Variants in SCN11A observed in about 807,000 individuals in gnomAD.
SCN11A encodes the protein sodium voltage-gated channel alpha subunit 11, also known as sodium channel protein type 11 subunit alpha.
Under a neutral mutation model 162.2 loss-of-function variants are expected in SCN11A, and 122 were observed. That is an observed-to-expected ratio of 0.75 (90% CI 0.65 to 0.87). SCN11A has a LOEUF of 0.87. Ranked by LOEUF, SCN11A falls within the 40% of genes least tolerant of loss-of-function variation. The pLI is 0.00. For missense variants in SCN11A, 2,015 were observed against 2,181.6 expected (o/e 0.92, Z 1.52); for synonymous variants, 758 against 751.5 (o/e 1.01, Z -0.14).
intron 13 of SCN11A, 102 bp downstream of exon 13, chr3:38,908,895 G>C (rs1286339155): frequency 1.1e-6 from 1 of 947,856 alleles, no homozygotes; most frequent in Non-Finnish European, 1.7e-6. Context: ...AAAGCACTGA[G>C]ACCAGGCCAA....
intron 2 of SCN11A, among the ~76,000 whole-genome samples, chr3:39,012,444 CTCTTTCTCTCTTTCTT>C (rs1225684022): frequency 2.0e-5 from 3 of 149,674 alleles, no homozygotes; most frequent in East Asian, 3.9e-4. Context: ...CTTTCTCTCT[CTCTTTCTCTCTTTCTT>C]TCTTTCTCTC....
chr3:38,963,877 A>T (rs2066763812), intron 2 of SCN11A, among the ~76,000 whole-genome samples: 3 of 152,200 alleles, frequency 2.0e-5, no homozygotes, highest in South Asian at 2.1e-4. Context: ...TTACAGAAAA[A>T]TTTTAAAAAA....
intron 1 of SCN11A, among the ~76,000 whole-genome samples, chr3:39,035,100 A>G (rs997752113): frequency 3.3e-5 from 5 of 152,184 alleles, no homozygotes; most frequent in African/African-American, 1.2e-4. Context: ...AAAAAATCCT[A>G]AAATTTATAC....
intron 20 of SCN11A, 66 bp downstream of exon 20, chr3:38,886,059 T>A: frequency 7.8e-6 from 8 of 1,032,034 alleles, no homozygotes; most frequent in South Asian, 1.5e-5. Flanking sequence ...TTTTCCATAA[T>A]AACTATCCTG....
chr3:38,872,049 C>T, intron 24 of SCN11A, 144 bp downstream of exon 24: 1 of 678,714 alleles, frequency 1.5e-6, no homozygotes, highest in African/African-American at 1.8e-5. Context: ...TTTCTCTACC[C>T]CTCAAATTCT....
chr3:39,013,213 A>T (rs1397327134), intron 2 of SCN11A, among the ~76,000 whole-genome samples: 1 of 152,220 alleles, frequency 6.6e-6, no homozygotes, highest in Non-Finnish European at 1.5e-5. Flanking sequence ...AGAGATAATG[A>T]TCTTTAGCAA....
Position 38,886,237 on chromosome 3 carries a change from G to A in SCN11A, c.2837C>T (p.Ala946Val). Reference sequence around the variant, plus strand: ...CTTGTTCTCCTGATGGAGCTCATAGGCCTAACACAGAGAGCCCAGAATAGA... The same window carrying A: ...CTTGTTCTCCTGATGGAGCTCATAGACCTAACACAGAGAGCCCAGAATAGA... ...RITQPEPEQQ[A>V]YELHQENKKP... Residue 946 changes from alanine to valine, a missense_variant and splice_region_variant, in exon 20 of 30, where the codon GCC (alanine) becomes GTC (valine). Physicochemically the swap from Ala to Val is moderately conservative, Grantham distance 64. Transcript: ENST00000302328. 1 of 1,601,286 alleles carries A rather than the reference G, an allele frequency of 6.2e-7. No individual in the cohort carries two copies. The highest frequency in any genetic ancestry group is 8.5e-7 in the Non-Finnish European group (1 of 1,169,900).
intron 7 of SCN11A, among the ~76,000 whole-genome samples, chr3:38,939,018 C>G (rs1052795321): frequency 1.3e-5 from 2 of 151,716 alleles, no homozygotes; most frequent in African/African-American, 4.8e-5. Context: ...ACTAAAAATA[C>G]AAAAATTAGC....
intron 1 of SCN11A, among the ~76,000 whole-genome samples, chr3:39,038,594 G>A (rs1048208211): frequency 2.6e-5 from 4 of 152,236 alleles, no homozygotes; most frequent in Admixed American, 2.6e-4. Flanking sequence ...CACTCACACT[G>A]TCACTCTCCA....
chr3:39,005,012 G>A (rs1438672410), intron 2 of SCN11A, among the ~76,000 whole-genome samples: 2 of 152,168 alleles, frequency 1.3e-5, no homozygotes, highest in Non-Finnish European at 1.5e-5. Flanking sequence ...CAACTCTAAG[G>A]ATTTCACATG....
At chr3:38,924,736 TG>T (rs1214110162) in intron 9 of SCN11A, among the ~76,000 whole-genome samples, 1 of 152,098 alleles carries the variant, frequency 6.6e-6, no homozygotes, top group Non-Finnish European at 1.5e-5. Context: ...CTGAAACTCC[TG>T]GCCTCAAGTT....
At chr3:38,943,804 G>A (rs1022526890) in intron 7 of SCN11A, among the ~76,000 whole-genome samples, 9 of 152,180 alleles carry the variant, frequency 5.9e-5, no homozygotes, top group African/African-American at 2.2e-4. Context: ...GGTTACCAGA[G>A]ATGGGGAAAG....
intron 11 of SCN11A, among the ~76,000 whole-genome samples, chr3:38,917,985 A>C (rs1385881308): frequency 1.3e-5 from 2 of 152,016 alleles, no homozygotes; most frequent in Admixed American, 6.6e-5. Context: ...ACCACTCTCT[A>C]TTGTCATATA....
intron 2 of SCN11A, among the ~76,000 whole-genome samples, chr3:39,030,394 G>A (rs910604526): frequency 2.0e-5 from 3 of 151,986 alleles, no homozygotes; most frequent in Non-Finnish European, 4.4e-5. Flanking sequence ...CCAGTGGCTC[G>A]CCCACTTCCA....
intron 2 of SCN11A, among the ~76,000 whole-genome samples, chr3:39,024,724 C>A (rs1187294720): frequency 6.6e-6 from 1 of 152,192 alleles, no homozygotes; most frequent in South Asian, 2.1e-4. Context: ...AAGGGTCCTG[C>A]CCCATACCCA....
In SCN11A at chr3:38,872,298, A is replaced by G. The variant is rs1419260043; in HGVS notation, c.3394-4T>C. 2.0e-6 allele frequency: 3 copies of G among 1,517,552 alleles called. No individual in the cohort carries two copies. The highest frequency in any genetic ancestry group is 2.7e-5 in the African/African-American group (2 of 72,918). The allele number at this position is 1,517,552 out of a possible 1,614,324, so 94.0% of individuals were successfully genotyped here. A position where few individuals can be genotyped will look rare whatever the true frequency, so the allele number is the denominator to read the frequency against. ...TAATGAGGGTGGTCACAGAGACCTG[A>G]TGGGAAGAGAGGCCACAGATAATGT... On this transcript the variant is annotated splice_polypyrimidine_tract_variant and splice_region_variant and intron_variant, in intron 23 of 29. Coordinates refer to ENST00000302328, the MANE Select transcript of SCN11A (RefSeq NM_001349253.2).
rs372163134 is a variant in SCN11A, at chr3:38,915,382, T to C, written c.959+4553A>G. ...AGCTTTGCTCTTGCTTCTCTAACTC[T>C]TTCCATTGTGATGTGACATTGTTTA... On this transcript the variant is annotated intron_variant, in intron 11 of 29. Coordinates refer to ENST00000302328, the MANE Select transcript of SCN11A (RefSeq NM_001349253.2). Among the ~76,000 whole-genome samples the C allele has an allele frequency of 4.6e-5, 7 of 152,262 alleles. No homozygotes were observed. The South Asian group carries it at 1.5e-3, about 32-fold the overall frequency.
At chr3:38,925,172 A>G (rs1455733720) in intron 9 of SCN11A, among the ~76,000 whole-genome samples, 1 of 145,358 alleles carries the variant, frequency 6.9e-6, no homozygotes, top group African/African-American at 2.6e-5. Flanking sequence ...CTGTCTCCCC[A>G]CCCCCACCAT....
At chr3:38,867,186 T>C in intron 27 of SCN11A, 135 bp downstream of exon 27, 1 of 762,202 alleles carries the variant, frequency 1.3e-6, no homozygotes, top group Admixed American at 2.8e-5. Context: ...CAGGCAGACA[T>C]GGGAGGCTCC....
Sources: gnomAD v4.1 joint callset for allele counts (sites outside exome capture counted in the v4.1 genomes callset) on GRCh38, gnomAD v4.1.1 for gene constraint, MANE v1.5 for transcripts, NCBI Gene and HGNC (gene_info 2026-07-23, HGNC 2026-07-21) for gene names.